The following TRPM3 variants were observed in gnomAD, a reference collection of about 807,000 sequenced individuals.
The protein encoded by TRPM3 is long transient receptor potential channel 3.
Under a neutral mutation model 181.2 loss-of-function variants are expected in TRPM3, and 77 were observed. The observed-to-expected ratio is 0.42, with a 90% CI of 0.35 to 0.51. The LOEUF (loss-of-function observed/expected upper bound fraction) is 0.51. Among genes scored for constraint, TRPM3 ranks in the 20% least tolerant of loss-of-function variants. The pLI, the probability that TRPM3 is intolerant of heterozygous loss-of-function variation, is 0.01. For missense variants in TRPM3, 1,759 were observed against 2,196.7 expected, an observed-to-expected ratio of 0.80 and a Z score of 3.98; for synonymous variants, 745 against 796.4, an observed-to-expected ratio of 0.94 and a Z score of 1.09.
chr9:71,206,184 A>G (rs62547694), intron 1 of TRPM3, among the ~76,000 whole-genome samples: 2,255 of 152,272 alleles, frequency 0.015, 38 homozygotes, highest in African/African-American at 0.036. Flanking sequence ...GTTTTCTACA[A>G]TGGTTGAACT....
At chr9:71,322,709 C>T (rs2089346417) in intron 1 of TRPM3, among the ~76,000 whole-genome samples, 1 of 152,106 alleles carries the variant, frequency 6.6e-6, no homozygotes, top group Admixed American at 6.6e-5. Context: ...ATGAAAAAAG[C>T]ATCATATAAA....
chr9:70,961,765 A>G (rs1315883817), intron 1 of TRPM3, among the ~76,000 whole-genome samples: 3 of 152,146 alleles, frequency 2.0e-5, no homozygotes, highest in Non-Finnish European at 4.4e-5. Flanking sequence ...CCCTAGCATG[A>G]TATCATGCAC....
rs564341305 is a variant in TRPM3 at position 70,855,880 on chromosome 9, AT to A, written c.462+7027del. Among the ~76,000 whole-genome samples, 55 of 150,882 alleles carry A rather than the reference AT, an allele frequency of 3.6e-4. No individual in the cohort carries two copies. In the South Asian group the frequency reaches 5.3e-3, roughly 14 times the overall value. On this transcript the variant is annotated intron_variant, in intron 3 of 25. Coordinates refer to ENST00000677713, the MANE Select transcript of TRPM3 (RefSeq NM_001366145.2). ...TTATGATGGTTTAATAGATAAAAAA[AT>A]ATCCTTAGAAAATATTTAGAATCAC...
chr9:70,638,356 C>T (rs1214273482), intron 11 of TRPM3, among the ~76,000 whole-genome samples: 1 of 152,132 alleles, frequency 6.6e-6, no homozygotes, highest in Admixed American at 6.5e-5. Context: ...TACAAATGGA[C>T]TAAGACAGCC....
intron 9 of TRPM3, among the ~76,000 whole-genome samples, chr9:70,645,730 G>A (rs142683965): frequency 0.02 from 2,735 of 138,618 alleles, 94 homozygotes; most frequent in African/African-American, 0.067. Context: ...AAACTAAAGA[G>A]CTTCTTCACA....
At chr9:71,252,346 T>C (rs1008563601) in intron 1 of TRPM3, among the ~76,000 whole-genome samples, 5 of 152,176 alleles carry the variant, frequency 3.3e-5, no homozygotes, top group Admixed American at 1.3e-4. Flanking sequence ...TGGACTGTTA[T>C]TGGACATTCT....
chr9:71,133,589 C>A (rs111592462), intron 1 of TRPM3, among the ~76,000 whole-genome samples: 233 of 152,172 alleles, frequency 1.5e-3, no homozygotes, highest in African/African-American at 5.3e-3. Context: ...TGAGCCACTG[C>A]GCCCGGCTGC....
intron 1 of TRPM3, among the ~76,000 whole-genome samples, chr9:71,351,878 T>G (rs946271946): frequency 2.2e-5 from 1 of 45,718 alleles, no homozygotes; most frequent in Non-Finnish European, 5.1e-5. Flanking sequence ...TTGTTTTTGT[T>G]TTTTTTTTTT....
chr9:71,404,566 G>C (rs1007560063), intron 1 of TRPM3, among the ~76,000 whole-genome samples: 2 of 151,860 alleles, frequency 1.3e-5, no homozygotes, highest in African/African-American at 4.8e-5. Flanking sequence ...GCCATCTCTC[G>C]GCTGGACTAA....
chr9:70,821,714 T>A (rs908471823), intron 6 of TRPM3, among the ~76,000 whole-genome samples: 2 of 152,238 alleles, frequency 1.3e-5, no homozygotes, highest in African/African-American at 4.8e-5. Flanking sequence ...TTCTTTTAAA[T>A]GTCAGGCATA....
intron 8 of TRPM3, among the ~76,000 whole-genome samples, chr9:70,741,277 G>T (rs2074035149): frequency 6.6e-6 from 1 of 152,146 alleles, no homozygotes; most frequent in Non-Finnish European, 1.5e-5. Context: ...CCTTACTCCT[G>T]CCAGAATGGC....
At chr9:70,976,931 C>T (rs755380223) in intron 1 of TRPM3, among the ~76,000 whole-genome samples, 2 of 152,164 alleles carry the variant, frequency 1.3e-5, no homozygotes, top group Middle Eastern at 3.2e-3. Context: ...ATGACCCCTT[C>T]GAGTCTCCAT....
chr9:70,965,532 C>A (rs2097176611), intron 1 of TRPM3, among the ~76,000 whole-genome samples: 2 of 152,038 alleles, frequency 1.3e-5, no homozygotes, highest in African/African-American at 4.8e-5. Flanking sequence ...TTTATTGAGA[C>A]AACCATGTGG....
chr9:70,894,273 T>C (rs1479502670), intron 1 of TRPM3, among the ~76,000 whole-genome samples: 1 of 152,154 alleles, frequency 6.6e-6, no homozygotes. Flanking sequence ...ATATCTTCAG[T>C]GGGGTTGCCC....
intron 1 of TRPM3, among the ~76,000 whole-genome samples, chr9:71,205,517 T>C (rs138537125): frequency 2.3e-4 from 35 of 152,262 alleles, no homozygotes; most frequent in African/African-American, 8.4e-4. Context: ...ATGGCATCCA[T>C]GGCAAGTTTG....
chr9:71,262,332 A>G (rs1293126626), intron 1 of TRPM3, among the ~76,000 whole-genome samples: 1 of 152,096 alleles, frequency 6.6e-6, no homozygotes, highest in African/African-American at 2.4e-5. Context: ...AAAACCACCT[A>G]CTCAAGCCTC....
At chr9:71,422,486 A>G (rs911398458) in intron 1 of TRPM3, among the ~76,000 whole-genome samples, 1 of 152,024 alleles carries the variant, frequency 6.6e-6, no homozygotes, top group Non-Finnish European at 1.5e-5. Flanking sequence ...TGCCCCCTTG[A>G]CCACATGCCT....
At chr9:70,745,875 G>T (rs932929087) in intron 8 of TRPM3, among the ~76,000 whole-genome samples, 1 of 152,184 alleles carries the variant, frequency 6.6e-6, no homozygotes, top group African/African-American at 2.4e-5. Context: ...TGAAGTCAAA[G>T]TATGCCCTAC....
chr9:70,844,583 T>A (rs2094870502), intron 4 of TRPM3, among the ~76,000 whole-genome samples: 2 of 152,208 alleles, frequency 1.3e-5, no homozygotes, highest in African/African-American at 4.8e-5. Flanking sequence ...GACAAGAAGT[T>A]TAACGTTATG....
Sources: allele counts gnomAD v4.1 joint callset (sites outside exome capture counted in the v4.1 genomes callset), GRCh38; gene constraint gnomAD v4.1.1; transcripts MANE v1.5; gene names NCBI Gene and HGNC (gene_info 2026-07-23, HGNC 2026-07-21).